Variants in TOLLIP observed in about 807,000 individuals in gnomAD.
TOLLIP encodes toll interacting protein, also known as toll-interacting protein.
Under a neutral mutation model 33.5 loss-of-function variants are expected in TOLLIP, and 16 were observed. The observed-to-expected ratio is 0.48, with a 90% CI of 0.32 to 0.72. TOLLIP has a LOEUF of 0.72. Ranked by LOEUF, TOLLIP falls within the 30% of genes least tolerant of loss-of-function variation. TOLLIP has a pLI of 0.03. For missense variants in TOLLIP, 325 were observed against 396.6 expected (o/e 0.82, Z 1.53); for synonymous variants, 176 against 163.7 (o/e 1.07, Z -0.57).
Position 1,276,593 on chromosome 11 carries a change from A to C in TOLLIP, c.*446T>G. The C allele has an allele frequency of 8.8e-7, 1 of 1,137,924 alleles. No homozygotes were observed. The highest frequency in any genetic ancestry group is 5.8e-5 in the East Asian group (1 of 17,130). 70.5% of individuals were successfully genotyped at this position (1,137,924 alleles called of 1,614,324 possible). On this transcript the variant is annotated 3_prime_UTR_variant, in exon 6 of 6. Transcript: ENST00000317204. The stretch of plus-strand genomic sequence containing the variant: ...CAAGGGCGTGAGTTTTCGTCTGGGA[A>C]GTTCTAAAAAAAACCCACAGTGTGA...
At chr11:1,289,434 C>CCT (rs1262690714) in intron 3 of TOLLIP, among the ~76,000 whole-genome samples, 1 of 152,246 alleles carries the variant, frequency 6.6e-6, no homozygotes, top group Non-Finnish European at 1.5e-5. Context: ...CGCCACATCC[C>CCT]CTCTGACCTT....
At chr11:1,294,064 G>C (rs1464567356) in intron 2 of TOLLIP, among the ~76,000 whole-genome samples, 2 of 152,168 alleles carry the variant, frequency 1.3e-5, no homozygotes, top group Admixed American at 6.5e-5. Flanking sequence ...TGAAAGCCGC[G>C]TGGCTCACAG....
intron 4 of TOLLIP, among the ~76,000 whole-genome samples, chr11:1,286,756 C>A (rs1863712588): frequency 6.6e-6 from 1 of 151,732 alleles, no homozygotes; most frequent in African/African-American, 2.4e-5. Context: ...TCAAAACTGT[C>A]CACTGCGGAT....
At position 1,285,169 on chromosome 11, in the gene TOLLIP, C is replaced by T. The variant is rs141700822; in HGVS notation, c.610+833G>A. Among the ~76,000 whole-genome samples the T allele has an allele frequency of 7.2e-5, 11 of 152,322 alleles. No individual in the cohort carries two copies. The East Asian group carries it at 1.7e-3, about 24-fold the overall frequency. ...AACACCACCTCCCCCAACACCACCA[C>T]GCATCCCTAGCGCCCTGCCCGCAAC... On this transcript the variant is annotated intron_variant, in intron 5 of 5. Transcript: ENST00000317204.
intron 2 of TOLLIP, 151 bp downstream of exon 2, chr11:1,295,494 C>T (rs970536127): frequency 1.4e-5 from 14 of 1,025,216 alleles, no homozygotes; most frequent in East Asian, 9.7e-5. Flanking sequence ...TCACACAGAT[C>T]GTTTTCAACA....
chr11:1,300,275 C>T (rs1311655354), intron 1 of TOLLIP, among the ~76,000 whole-genome samples: 2 of 152,128 alleles, frequency 1.3e-5, no homozygotes, highest in African/African-American at 2.4e-5. Flanking sequence ...ATTCTCCTCC[C>T]CCATGTGCCG....
rs1277855069 is a variant in TOLLIP, at chr11:1,307,611, A to G, written c.33+1855T>C. The stretch of plus-strand genomic sequence containing the variant: ...GAAGGGGCCATCCTGCCTGGCCACC[A>G]TGCCCCCCTGCTCTCCAGGAGGACA... On this transcript the variant is annotated intron_variant, in intron 1 of 5. Coordinates refer to ENST00000317204, the MANE Select transcript of TOLLIP (RefSeq NM_019009.4). Among the ~76,000 whole-genome samples the G allele has an allele frequency of 2.6e-5, 4 of 152,302 alleles. No homozygotes were observed. The East Asian group carries it at 7.7e-4, about 29-fold the overall frequency.
chr11:1,279,029 C>T (rs892886971), intron 5 of TOLLIP, among the ~76,000 whole-genome samples: 13 of 152,202 alleles, frequency 8.5e-5, no homozygotes, highest in Admixed American at 5.9e-4. Flanking sequence ...ACATGAGGAA[C>T]GGAGGCACCG....
intron 2 of TOLLIP, chr11:1,291,809 C>T (rs1216064575): frequency 3.1e-5 from 5 of 159,748 alleles, no homozygotes; most frequent in African/African-American, 4.9e-5. Flanking sequence ...ACGGCCGCCC[C>T]GTCCTCACCG....
Position 1,309,584 on chromosome 11 carries a change from G to C in TOLLIP, c.-86C>G. On this transcript the variant is annotated 5_prime_UTR_variant, in exon 1 of 6. Coordinates refer to ENST00000317204, the MANE Select transcript of TOLLIP (RefSeq NM_019009.4). ...CGCCCCCGCCGGAGCCTGCGACGGA[G>C]ACAGTTGTCACCTCGAGGCCGCCGC... is the stretch of plus-strand genomic sequence containing the variant. 3 of 698,826 alleles carry C rather than the reference G, an allele frequency of 4.3e-6. No individual in the cohort carries two copies. The highest frequency in any genetic ancestry group is 2.0e-6 in the Non-Finnish European group (1 of 501,952). 43.3% of individuals were successfully genotyped at this position (698,826 alleles called of 1,614,324 possible).
At chr11:1,304,405 C>T (rs894736746) in intron 1 of TOLLIP, among the ~76,000 whole-genome samples, 3 of 152,126 alleles carry the variant, frequency 2.0e-5, no homozygotes, top group Admixed American at 6.5e-5. Context: ...ATGGAAGGCC[C>T]GAGACACCAG....
chr11:1,295,946 A>C, intron 1 of TOLLIP, 152 bp from the exon 2 acceptor site: 3 of 1,039,268 alleles, frequency 2.9e-6, no homozygotes, highest in Non-Finnish European at 4.0e-6. Flanking sequence ...CTCATCTCTA[A>C]ACGGAGGGGT....
chr11:1,284,247 G>C (rs529676526), intron 5 of TOLLIP, among the ~76,000 whole-genome samples: 19 of 152,210 alleles, frequency 1.2e-4, no homozygotes, highest in Non-Finnish European at 2.5e-4. Context: ...AACTCTGAAC[G>C]CCTCAAGGCT....
In TOLLIP at chr11:1,303,060, G is replaced by A. The variant is rs539193109; in HGVS notation, c.33+6406C>T. ...TCTCAAAGCAAACACTAGAATTTGT[G>A]TAAGGGAAGCTGGGAGATGACAGTA... On this transcript the variant is annotated intron_variant, in intron 1 of 5. Transcript: ENST00000317204. The surrounding 1 kb of genome is among the most constrained non-coding windows in gnomAD (Gnocchi z 4.2). 6.6e-6 allele frequency among the ~76,000 whole-genome samples: 1 copy of A among 152,322 alleles called. No individual in the cohort carries two copies. Among genetic ancestry groups the A allele is most frequent in the South Asian group, 2.1e-4 (1 of 4,830 alleles).
intron 1 of TOLLIP, chr11:1,302,461 G>A (rs1864310847): frequency 3.4e-6 from 2 of 593,364 alleles, no homozygotes; most frequent in South Asian, 7.3e-5. Flanking sequence ...CCATTGCCCT[G>A]TAAGTTTAGC....
At chr11:1,298,736 C>A (rs779593872) in intron 1 of TOLLIP, among the ~76,000 whole-genome samples, 1 of 152,260 alleles carries the variant, frequency 6.6e-6, no homozygotes, top group Non-Finnish European at 1.5e-5. Context: ...ATCAGCCCCA[C>A]GCAGCCCGGG....
chr11:1,277,035 G>A lies in TOLLIP; in HGVS notation c.*4C>T, dbSNP rs779936024. On this transcript the variant is annotated 3_prime_UTR_variant, in exon 6 of 6. Transcript: ENST00000317204. The surrounding 1 kb of genome is among the most constrained non-coding windows in gnomAD (Gnocchi z 4.2). ...GGGGGCAAAACGGCATCGAGGCAGA[G>A]GCTCTATGGCTCCTCCCCCATCTGC... 1.1e-5 allele frequency: 18 copies of A among 1,612,654 alleles called. No individual in the cohort carries two copies. Among genetic ancestry groups the A allele is most frequent in the Middle Eastern group, 1.7e-4 (1 of 6,058 alleles).
intron 2 of TOLLIP, among the ~76,000 whole-genome samples, chr11:1,295,185 T>A (rs1409343554): frequency 1.3e-5 from 2 of 152,256 alleles, no homozygotes. Context: ...GGCTTTCACT[T>A]GAAAGACCAC....
At chr11:1,308,451 G>T (rs181706951) in intron 1 of TOLLIP, among the ~76,000 whole-genome samples, 89 of 152,310 alleles carry the variant, frequency 5.8e-4, no homozygotes, top group African/African-American at 2.0e-3. Context: ...TGCAGAACCG[G>T]GAGCCAATTA....
Sources: gnomAD v4.1 joint callset for allele counts (sites outside exome capture counted in the v4.1 genomes callset) on GRCh38, gnomAD v4.1.1 for gene constraint, Gnocchi (gnomAD v3.1) non-coding constraint, MANE v1.5 for transcripts, NCBI Gene and HGNC (gene_info 2026-07-23, HGNC 2026-07-21) for gene names.